The following COL19A1 variants were observed in gnomAD, a reference collection of about 807,000 sequenced individuals.
COL19A1 encodes the protein collagen type XIX alpha 1 chain.
Under a neutral mutation model 190.2 loss-of-function variants are expected in COL19A1, and 159 were observed. The observed-to-expected ratio is 0.84, with a 90% CI of 0.73 to 0.95. COL19A1 has a LOEUF of 0.95. Among genes scored for constraint, COL19A1 ranks in the 40% least tolerant of loss-of-function variants. The pLI is 0.00. For missense variants in COL19A1, 1,418 were observed against 1,431.9 expected, an observed-to-expected ratio of 0.99 and a Z score of 0.16; for synonymous variants, 509 against 458.9, an observed-to-expected ratio of 1.11 and a Z score of -1.39.
At chr6:69,986,999 C>A (rs1197280548) in intron 11 of COL19A1, among the ~76,000 whole-genome samples, 2 of 152,198 alleles carry the variant, frequency 1.3e-5, no homozygotes, top group African/African-American at 2.4e-5. Context: ...CAGCTCACTG[C>A]AGCCTTGACC....
At chr6:70,176,324 C>T (rs895486941) in intron 41 of COL19A1, among the ~76,000 whole-genome samples, 196 bp from the exon 42 acceptor site, 3 of 152,132 alleles carry the variant, frequency 2.0e-5, no homozygotes, top group Non-Finnish European at 4.4e-5. Flanking sequence ...AAAGCTGTAA[C>T]GAGTTCAGTT....
intron 11 of COL19A1, among the ~76,000 whole-genome samples, chr6:70,008,227 A>G (rs2150091675): frequency 6.6e-6 from 1 of 152,032 alleles, no homozygotes; most frequent in East Asian, 1.9e-4. Context: ...TAGAAGAACA[A>G]TACAGAAAAC....
intron 23 of COL19A1, 136 bp from the exon 24 acceptor site, chr6:70,144,074 A>C: frequency 1.4e-6 from 1 of 716,822 alleles, no homozygotes; most frequent in South Asian, 2.4e-5. Flanking sequence ...CTTAAAGGCC[A>C]AAATCAATCC....
chr6:69,912,316 T>C (rs1008123841), intron 4 of COL19A1, among the ~76,000 whole-genome samples: 10 of 152,188 alleles, frequency 6.6e-5, no homozygotes, highest in African/African-American at 2.4e-4. Flanking sequence ...CTCGTTAATA[T>C]GTGGATTTAA....
At chr6:70,004,213 G>A (rs1476430497) in intron 11 of COL19A1, among the ~76,000 whole-genome samples, 2 of 152,082 alleles carry the variant, frequency 1.3e-5, no homozygotes, top group Admixed American at 1.3e-4. Context: ...ATTTTCTTCT[G>A]GCTTGTACAG....
chr6:70,104,818 G>A (rs564276135), intron 16 of COL19A1, among the ~76,000 whole-genome samples: 3 of 152,304 alleles, frequency 2.0e-5, no homozygotes, highest in South Asian at 2.1e-4. Flanking sequence ...GGAGGAATTT[G>A]AATGTTGAAG....
chr6:70,183,009 T>A (rs1253685789), intron 44 of COL19A1, among the ~76,000 whole-genome samples: 2 of 151,926 alleles, frequency 1.3e-5, no homozygotes, highest in Non-Finnish European at 2.9e-5. Flanking sequence ...CTTTTGTTTG[T>A]TAGTGAAAGA....
At chr6:70,084,034 T>C (rs1782438275) in intron 15 of COL19A1, among the ~76,000 whole-genome samples, 2 of 152,162 alleles carry the variant, frequency 1.3e-5, no homozygotes, top group East Asian at 3.8e-4. Flanking sequence ...TTGTGAAGAA[T>C]AGTCCAACTT....
chr6:70,050,203 A>G (rs1236925494), intron 14 of COL19A1, among the ~76,000 whole-genome samples: 2 of 152,098 alleles, frequency 1.3e-5, no homozygotes, highest in Non-Finnish European at 2.9e-5. Context: ...CCTGGCTTCT[A>G]GTAAATACTA....
At chr6:70,051,704 A>G (rs1368682738) in intron 14 of COL19A1, among the ~76,000 whole-genome samples, 1 of 151,910 alleles carries the variant, frequency 6.6e-6, no homozygotes, top group Non-Finnish European at 1.5e-5. Context: ...GAAGCACAAA[A>G]GCCTCATGGA....
intron 4 of COL19A1, among the ~76,000 whole-genome samples, chr6:69,922,383 A>G (rs1413748396): frequency 1.3e-5 from 2 of 149,766 alleles, no homozygotes; most frequent in Non-Finnish European, 3.0e-5. Flanking sequence ...TAATACTCTT[A>G]TTTTTTTGTC....
chr6:69,963,272 T>C (rs1774908422), intron 11 of COL19A1, among the ~76,000 whole-genome samples: 1 of 152,158 alleles, frequency 6.6e-6, no homozygotes, highest in African/African-American at 2.4e-5. Context: ...CAACTAACTG[T>C]AAAAGTCAGG....
In COL19A1 at chr6:70,207,347, T is replaced by A; in HGVS notation, c.*73T>A. On this transcript the variant is annotated 3_prime_UTR_variant, in exon 51 of 51. Coordinates refer to ENST00000620364, the MANE Select transcript of COL19A1 (RefSeq NM_001858.6). ...GAGCTCTCTTAATACCGTCAAACCCTCATCATCTGTGGGTTGCTTTTTTTT... is the reference window on the plus strand; with the variant it reads ...GAGCTCTCTTAATACCGTCAAACCCACATCATCTGTGGGTTGCTTTTTTTT... The A allele has an allele frequency of 8.3e-4, 561 of 677,424 alleles. No homozygotes were observed. Among genetic ancestry groups the A allele is most frequent in the Non-Finnish European group, 1.1e-3 (511 of 456,728 alleles). 42.0% of individuals were successfully genotyped at this position (677,424 alleles called of 1,614,324 possible).
chr6:70,105,259 G>A (rs935690955), intron 16 of COL19A1, among the ~76,000 whole-genome samples: 1 of 152,140 alleles, frequency 6.6e-6, no homozygotes, highest in Admixed American at 6.5e-5. Flanking sequence ...CCAGATTCAA[G>A]CAATTCTCCA....
intron 34 of COL19A1, 59 bp from the exon 35 acceptor site, chr6:70,161,837 TTAAC>T: frequency 7.5e-7 from 1 of 1,337,256 alleles, no homozygotes; most frequent in East Asian, 2.5e-5. Flanking sequence ...AAATATTTGA[TTAAC>T]TAAAATGCCT....
chr6:70,003,692 CA>C (rs1263930593), intron 11 of COL19A1, among the ~76,000 whole-genome samples: 1 of 151,960 alleles, frequency 6.6e-6, no homozygotes, highest in Admixed American at 6.6e-5. Flanking sequence ...ACTAGGATTG[CA>C]ACCCTTTCTT....
At chr6:70,091,894 T>C (rs1008925262) in intron 15 of COL19A1, among the ~76,000 whole-genome samples, 12 of 152,174 alleles carry the variant, frequency 7.9e-5, no homozygotes, top group African/African-American at 2.9e-4. Context: ...CAAATTACTT[T>C]TACCCAGTTA....
chr6:69,936,713 G>T (rs1230952033), intron 7 of COL19A1, 72 bp from the exon 8 acceptor site: 2 of 1,568,464 alleles, frequency 1.3e-6, no homozygotes, highest in Non-Finnish European at 1.7e-6. Flanking sequence ...CTAGTTTAGT[G>T]GGAGCCAGTG....
chr6:70,058,385 C>T (rs1013787107), intron 14 of COL19A1, among the ~76,000 whole-genome samples: 3 of 152,022 alleles, frequency 2.0e-5, no homozygotes, highest in Non-Finnish European at 2.9e-5. Flanking sequence ...TGGTTTACTA[C>T]AATTGGTAAT....
Sources: allele counts gnomAD v4.1 joint callset (sites outside exome capture counted in the v4.1 genomes callset), GRCh38; gene constraint gnomAD v4.1.1; transcripts MANE v1.5; gene names NCBI Gene and HGNC (gene_info 2026-07-23, HGNC 2026-07-21).